The following EFHD2 variants were observed in gnomAD, a reference collection of about 807,000 sequenced individuals.
EFHD2 encodes the protein EF-hand domain family member D2.
Under a neutral mutation model 20.3 loss-of-function variants are expected in EFHD2, and 12 were observed. That is an observed-to-expected ratio of 0.59 (90% CI 0.38 to 0.96). The LOEUF is 0.96. Among genes scored for constraint, EFHD2 ranks in the 40% least tolerant of loss-of-function variants. EFHD2 has a pLI of 0.00. For synonymous variants in EFHD2, 131 were observed against 143.9 expected (o/e 0.91, Z 0.64); for missense variants, 250 against 334.3 (o/e 0.75, Z 1.97).
Position 15,410,022 on chromosome 1 carries a change from G to A in EFHD2, c.51G>A (p.Glu17=), listed in dbSNP as rs1035714449. Residue 17 remains glutamate (E), a synonymous_variant, in exon 1 of 4, where the codon GAG becomes GAA. Transcript: ENST00000375980. The stretch of plus-strand genomic sequence containing the variant: ...AGCTGAGCCGGCGGCTGCAGATGGA[G>A]GGCGAGGGCGGCGGCGAGACCCCGG... ...ATKLSRRLQM[E]GEGGGETPEQ... is the part of the protein sequence containing the mutation. 9 of 1,272,132 alleles carry A rather than the reference G, an allele frequency of 7.1e-6. No homozygotes were observed. The Admixed American group carries it at 3.5e-4, about 49-fold the overall frequency. 78.8% of individuals were successfully genotyped at this position (1,272,132 alleles called of 1,614,324 possible). A position where few individuals can be genotyped will look rare whatever the true frequency, so the allele number is the denominator to read the frequency against.
In EFHD2 at chr1:15,410,154, G is replaced by A. The variant is rs972115573; in HGVS notation, c.183G>A (p.Arg61=). ...ADCELSAKLL[R]RADLNQGIGE... is the part of the protein sequence containing the mutation. Reference sequence around the variant, plus strand: ...GCGAGCTGAGCGCCAAGCTGCTGCGGCGCGCAGACCTCAACCAGGGCATCG... The same window carrying A: ...GCGAGCTGAGCGCCAAGCTGCTGCGACGCGCAGACCTCAACCAGGGCATCG... The change falls in exon 1 of 4, where the codon CGG becomes CGA. Residue 61 remains arginine, a synonymous_variant. Coordinates refer to ENST00000375980, the MANE Select transcript of EFHD2 (RefSeq NM_024329.6). 23 of 1,599,344 alleles carry A rather than the reference G, an allele frequency of 1.4e-5. No homozygotes were observed. The highest frequency in any genetic ancestry group is 1.9e-5 in the Non-Finnish European group (22 of 1,174,684).
intron 1 of EFHD2, among the ~76,000 whole-genome samples, chr1:15,423,043 C>T (rs1250556257): frequency 6.6e-6 from 1 of 152,114 alleles, no homozygotes; most frequent in Admixed American, 6.5e-5. Flanking sequence ...AAGACTGAGT[C>T]CCTCACCAGG....
rs1280862678 is a variant in EFHD2, at chr1:15,429,492, G to A, written c.*768G>A. ...ATCATGGGCAGGGAAGGCTCTGGGG[G>A]TCGGAGACACCGCTGCTTAGCACCC... On this transcript the variant is annotated 3_prime_UTR_variant, in exon 4 of 4. Coordinates refer to ENST00000375980, the MANE Select transcript of EFHD2 (RefSeq NM_024329.6). 1 of 152,576 alleles carries A rather than the reference G, an allele frequency of 6.6e-6. No individual in the cohort carries two copies. Among genetic ancestry groups the A allele is most frequent in the Admixed American group, 6.5e-5 (1 of 15,276 alleles). 9.5% of individuals were successfully genotyped at this position (152,576 alleles called of 1,614,324 possible).
chr1:15,424,537 C>T (rs985729911), intron 1 of EFHD2, among the ~76,000 whole-genome samples: 2 of 152,132 alleles, frequency 1.3e-5, no homozygotes, highest in African/African-American at 4.8e-5. Flanking sequence ...CTCTATCGCC[C>T]GATGCTTGTT....
chr1:15,415,184 G>A (rs1306666601), intron 1 of EFHD2, among the ~76,000 whole-genome samples: 1 of 152,194 alleles, frequency 6.6e-6, no homozygotes, highest in African/African-American at 2.4e-5. Context: ...TCAAGTTCCT[G>A]CCCTCAAGAG....
intron 1 of EFHD2, among the ~76,000 whole-genome samples, chr1:15,412,551 C>T (rs1484345392): frequency 1.3e-5 from 2 of 152,208 alleles, no homozygotes; most frequent in African/African-American, 4.8e-5. Flanking sequence ...CTCCAACACC[C>T]GCTTCCGTGT....
chr1:15,410,481 A>T (rs1707462813), intron 1 of EFHD2, among the ~76,000 whole-genome samples: 1 of 150,806 alleles, frequency 6.6e-6, no homozygotes, highest in Non-Finnish European at 1.5e-5. Context: ...AGTCTGGGGG[A>T]CCCCCGGCCC....
intron 1 of EFHD2, among the ~76,000 whole-genome samples, chr1:15,420,808 G>A (rs997833190): frequency 8.5e-5 from 13 of 152,104 alleles, no homozygotes; most frequent in South Asian, 4.2e-4. Context: ...ATGAGCCACC[G>A]CACCTGGCCC....
In EFHD2 at chr1:15,426,788, A is replaced by G. The variant is rs1385640881; in HGVS notation, c.457-362A>G. Among the ~76,000 whole-genome samples the G allele has an allele frequency of 6.6e-6, 1 of 152,140 alleles. No homozygotes were observed. The highest frequency in any genetic ancestry group is 2.4e-5 in the African/African-American group (1 of 41,414). On this transcript the variant is annotated intron_variant, in intron 2 of 3. Transcript: ENST00000375980. The surrounding 1 kb of genome is among the most constrained non-coding windows in gnomAD (Gnocchi z 4.6). Reference sequence around the variant, plus strand: ...CTTTTACTGTCATGGAGGCTCCCTCATTCTGTCATGACACCTGTAGGACTC... The same window carrying G: ...CTTTTACTGTCATGGAGGCTCCCTCGTTCTGTCATGACACCTGTAGGACTC...
rs756906104 is a variant in EFHD2, at chr1:15,410,143, A to C, written c.172A>C (p.Lys58Gln). Residue 58 changes from lysine (K) to glutamine (Q), a missense_variant, in exon 1 of 4, where the codon AAG (lysine) becomes CAG (glutamine). Lys to Gln is a moderately conservative substitution (Grantham distance 53). This residue lies in a region of EFHD2 where 143 missense variants were observed against 190.6 expected (regional missense o/e 0.75). Transcript: ENST00000375980. ...LGSADCELSA[K>Q]LLRRADLNQG... ...CAGCGCGGACTGCGAGCTGAGCGCC[A>C]AGCTGCTGCGGCGCGCAGACCTCAA... 1 of 1,593,718 alleles carries C rather than the reference A, an allele frequency of 6.3e-7. No individual in the cohort carries two copies. Among genetic ancestry groups the C allele is most frequent in the Non-Finnish European group, 8.5e-7 (1 of 1,172,364 alleles).
chr1:15,428,732 T>G lies in EFHD2; in HGVS notation c.*8T>G, dbSNP rs1570773587. 6.4e-7 allele frequency: 1 copy of G among 1,573,438 alleles called. No individual in the cohort carries two copies. The highest frequency in any genetic ancestry group is 1.2e-5 in the South Asian group (1 of 86,132). On this transcript the variant is annotated 3_prime_UTR_variant, in exon 4 of 4. Transcript: ENST00000375980. ...CAGTCCACCTTTAAGTAGCGGGGGCTGCAGCCGACCGCCCTGCTCCGGCCC... is the reference window on the plus strand; with the variant it reads ...CAGTCCACCTTTAAGTAGCGGGGGCGGCAGCCGACCGCCCTGCTCCGGCCC...
At chr1:15,424,153 G>A (rs1490294898) in intron 1 of EFHD2, among the ~76,000 whole-genome samples, 1 of 151,532 alleles carries the variant, frequency 6.6e-6, no homozygotes, top group Non-Finnish European at 1.5e-5. Context: ...GATCGCGCCT[G>A]GGTAACAGAG....
intron 1 of EFHD2, among the ~76,000 whole-genome samples, chr1:15,423,865 G>C (rs574710686): frequency 5.8e-4 from 88 of 152,098 alleles, no homozygotes; most frequent in Non-Finnish European, 1.2e-3. Flanking sequence ...TCAAGGCCTG[G>C]GGGACTGCAC....
intron 1 of EFHD2, among the ~76,000 whole-genome samples, chr1:15,412,738 T>C (rs549912401): frequency 2.0e-5 from 3 of 152,280 alleles, no homozygotes; most frequent in African/African-American, 7.2e-5. Context: ...GGCTGCAGTG[T>C]GGTTGGAAGT....
chr1:15,429,907 T>C lies in EFHD2; in HGVS notation c.*1183T>C, dbSNP rs1707939754. The C allele has an allele frequency of 6.5e-6, 1 of 152,746 alleles. No homozygotes were observed. Among genetic ancestry groups the C allele is most frequent in the African/African-American group, 2.4e-5 (1 of 41,470 alleles). The allele number at this position is 152,746 out of a possible 1,614,324, so 9.5% of individuals were successfully genotyped here. A position where few individuals can be genotyped will look rare whatever the true frequency, so the allele number is the denominator to read the frequency against. ...TGCCTGTGTGTGGTGTCTGTTGCTG[T>C]GTCGTGAAACTGTGACCATCACTCA... On this transcript the variant is annotated 3_prime_UTR_variant, in exon 4 of 4. Transcript: ENST00000375980.
chr1:15,425,898 C>T lies in EFHD2; in HGVS notation c.336C>T (p.Ile112=), dbSNP rs774292766. 5.0e-6 allele frequency: 8 copies of T among 1,606,590 alleles called. No individual in the cohort carries two copies. The highest frequency in any genetic ancestry group is 1.6e-4 in the Middle Eastern group (1 of 6,062). ...KQYDAGRDGF[I]DLMELKLMME... ...ATGATGCCGGGCGGGACGGCTTCAT[C>T]GACCTGATGGAGCTAAAACTCATGA... The change falls in exon 2 of 4, where the codon ATC becomes ATT. Residue 112 remains isoleucine (I), a synonymous_variant. Transcript: ENST00000375980.
rs1707880324 is a variant in EFHD2 at position 15,426,929 on chromosome 1, G to A, written c.457-221G>A. On this transcript the variant is annotated intron_variant, in intron 2 of 3. Transcript: ENST00000375980. This position sits in a 1 kb window ranked among gnomAD's most constrained non-coding sequence, Gnocchi z 4.6. Reference sequence around the variant, plus strand: ...GGCGGGTCAGGGCTGCAGTAGGCCAGCATCCTGGGTGGCAGATGAGTCATA... The same window carrying A: ...GGCGGGTCAGGGCTGCAGTAGGCCAACATCCTGGGTGGCAGATGAGTCATA... 6.6e-6 allele frequency among the ~76,000 whole-genome samples: 1 copy of A among 152,172 alleles called. No homozygotes were observed. Among genetic ancestry groups the A allele is most frequent in the South Asian group, 2.1e-4 (1 of 4,838 alleles).
chr1:15,428,730 G>A lies in EFHD2; in HGVS notation c.*6G>A, dbSNP rs751276831. ...TGCAGTCCACCTTTAAGTAGCGGGG[G>A]CTGCAGCCGACCGCCCTGCTCCGGC... On this transcript the variant is annotated 3_prime_UTR_variant, in exon 4 of 4. Transcript: ENST00000375980. The A allele has an allele frequency of 1.3e-6, 2 of 1,574,868 alleles. No individual in the cohort carries two copies. Among genetic ancestry groups the A allele is most frequent in the African/African-American group, 1.4e-5 (1 of 73,996 alleles).
chr1:15,425,795 C>T (rs1707863596), intron 1 of EFHD2, 76 bp from the exon 2 acceptor site: 2 of 1,547,426 alleles, frequency 1.3e-6, no homozygotes, highest in African/African-American at 1.4e-5. Context: ...TCTGATCCCC[C>T]AGTCTCCTTG....
Sources: allele counts gnomAD v4.1 joint callset (sites outside exome capture counted in the v4.1 genomes callset), GRCh38; gene constraint gnomAD v4.1.1; regional missense constraint gnomAD v4.1.1; non-coding constraint Gnocchi (gnomAD v3.1); transcripts MANE v1.5; gene names NCBI Gene and HGNC (gene_info 2026-07-23, HGNC 2026-07-21).